TTN: variants seen among roughly 807,000 people sequenced by gnomAD.
TTN encodes the protein titin.
A neutral mutation model predicts 3,223.0 loss-of-function variants in TTN; 1,525 were observed. That is an observed-to-expected ratio of 0.47 (90% CI 0.45 to 0.49). TTN has a LOEUF of 0.49. Ranked by LOEUF, TTN falls within the 20% of genes least tolerant of loss-of-function variation. The probability of loss-of-function intolerance (pLI) is 0.00; values close to 1 mark genes in which losing one functional copy is unlikely to be tolerated. For synonymous variants in TTN, 14,094 were observed against 15,161.0 expected (o/e 0.93, Z 5.17); for missense variants, 40,786 against 43,424.0 (o/e 0.94, Z 5.40).
At chr2:178,749,705 A>T (rs1370513406) in intron 47 of TTN, 1 of 1,612,972 alleles carries the variant, frequency 6.2e-7, no homozygotes, top group Non-Finnish European at 8.5e-7. Context: ...GTTTTCAGCA[A>T]CACATTTATA....
Position 178,546,318 on chromosome 2 carries a change from T to C in TTN, c.95013A>G (p.Ala31671=). ...KVSLQYTGKR[A]TAVIKFCDRS... ...TGTCACAGAACTTGATCACAGCAGT[T>C]GCTCGTTTGCCAGTATACTGCAAAG... The change falls in exon 342 of 363, where the codon GCA becomes GCG. Residue 31671 remains alanine, a synonymous_variant. Coordinates refer to ENST00000589042, the MANE Select transcript of TTN (RefSeq NM_001267550.2). The C allele has an allele frequency of 6.2e-7, 1 of 1,613,892 alleles. No individual in the cohort carries two copies. Among genetic ancestry groups the C allele is most frequent in the Non-Finnish European group, 8.5e-7 (1 of 1,179,780 alleles).
chr2:178,594,317 G>T (rs1268375183), intron 296 of TTN, 27 bp downstream of exon 296: 1 of 1,590,194 alleles, frequency 6.3e-7, no homozygotes, highest in Non-Finnish European at 8.5e-7. Context: ...GCAAGTTTCA[G>T]AAGTATAAAT....
At chr2:178,550,932 C>G (rs1699188690) in intron 336 of TTN, 35 bp downstream of exon 336, 2 of 1,597,148 alleles carry the variant, frequency 1.3e-6, no homozygotes, top group East Asian at 2.2e-5. Flanking sequence ...TGTGAATGCT[C>G]TTAGTCTCAT....
At position 178,590,430 on chromosome 2, in the gene TTN, A is replaced by G; in HGVS notation, c.61295T>C (p.Phe20432Ser). 1.2e-6 allele frequency: 2 copies of G among 1,612,288 alleles called. No individual in the cohort carries two copies. Among genetic ancestry groups the G allele is most frequent in the South Asian group, 2.2e-5 (2 of 90,732 alleles). ...TCCTTCAATTAGTCCAGGTACCCTA[A>G]AGGCACATTGCCTAATGAGTTCATC... Reference protein sequence around the residue: ...NKDELIRQCAFRVPGLIEGNE... With the variant: ...NKDELIRQCASRVPGLIEGNE... Residue 20432 changes from phenylalanine (F) to serine (S), a missense_variant, in exon 304 of 363, where the codon TTT becomes TCT. Physicochemically the swap from Phe to Ser is radical, Grantham distance 155. Transcript: ENST00000589042.
chr2:178,640,011 A>G (rs776331940), intron 222 of TTN, 37 bp downstream of exon 222: 3 of 1,605,060 alleles, frequency 1.9e-6, no homozygotes, highest in South Asian at 2.2e-5. Context: ...GAATACAGAA[A>G]GAATATGCTG....
At chr2:178,766,945 G>A (rs774202468) in intron 40 of TTN, among the ~76,000 whole-genome samples, 2 of 152,060 alleles carry the variant, frequency 1.3e-5, no homozygotes, top group Non-Finnish European at 2.9e-5. Flanking sequence ...GCTTTTTATT[G>A]TCTAAAAAGT....
chr2:178,575,027 C>T lies in TTN; in HGVS notation c.71105G>A (p.Gly23702Glu). ...GTTCCTTGCTGTTAATGGATAGGGC[C>T]CACTATCACTTCTGACACACTCATT... ...NINECVRSDS[G>E]PYPLTARNIV... is the part of the protein sequence containing the mutation. The change falls in exon 326 of 363, where the codon GGG becomes GAG. Residue 23702 changes from glycine to glutamate, a missense_variant. Physicochemically the swap from Gly to Glu is moderately conservative, Grantham distance 98. Transcript: ENST00000589042. This position sits in a 1 kb window ranked among gnomAD's most constrained non-coding sequence, Gnocchi z 4.0. 6.2e-7 allele frequency: 1 copy of T among 1,613,258 alleles called. No individual in the cohort carries two copies. The highest frequency in any genetic ancestry group is 8.5e-7 in the Non-Finnish European group (1 of 1,179,598).
At position 178,639,787 on chromosome 2, in the gene TTN, T is replaced by C. The variant is rs886042511; in HGVS notation, c.40788A>G (p.Glu13596=). The change falls in exon 223 of 363, where the codon GAA becomes GAG. Residue 13596 remains glutamate (E), a splice_region_variant and synonymous_variant. Transcript: ENST00000589042. ...CAGGAGGTGGTTTGATTGTTTTCACTTCTGTAGAGAGAAGTCCATTGCATT... is the reference window on the plus strand; with the variant it reads ...CAGGAGGTGGTTTGATTGTTTTCACCTCTGTAGAGAGAAGTCCATTGCATT... ...APEPKPKPEA[E]VKTIKPPPVE... 2 of 1,584,766 alleles carry C rather than the reference T, an allele frequency of 1.3e-6. No homozygotes were observed. The highest frequency in any genetic ancestry group is 8.6e-7 in the Non-Finnish European group (1 of 1,168,864).
chr2:178,794,869 G>A (rs2093685289), intron 7 of TTN, 53 bp downstream of exon 7: 3 of 1,588,108 alleles, frequency 1.9e-6, no homozygotes, highest in African/African-American at 2.7e-5. Flanking sequence ...CAGAAATCCA[G>A]TTGGAGAAAC....
In TTN at chr2:178,550,941, A is replaced by G. The variant is rs189019646; in HGVS notation, c.91564+26T>C. 2.5e-6 allele frequency: 4 copies of G among 1,605,268 alleles called. No homozygotes were observed. The Admixed American group carries it at 5.1e-5, about 20-fold the overall frequency. ...TAAAAATGTGAATGCTCTTAGTCTCATTGGAAATAAGTTGTAAATGCTTAC... is the reference window on the plus strand; with the variant it reads ...TAAAAATGTGAATGCTCTTAGTCTCGTTGGAAATAAGTTGTAAATGCTTAC... On this transcript the variant is annotated intron_variant, in intron 336 of 362. Coordinates refer to ENST00000589042, the MANE Select transcript of TTN (RefSeq NM_001267550.2).
chr2:178,667,651 G>C lies in TTN; in HGVS notation c.35616C>G (p.Pro11872=). 3 of 1,596,594 alleles carry C rather than the reference G, an allele frequency of 1.9e-6. No homozygotes were observed. Among genetic ancestry groups the C allele is most frequent in the Non-Finnish European group, 2.5e-6 (3 of 1,178,836 alleles). The change falls in exon 160 of 363, where the codon CCC becomes CCG. Residue 11872 remains proline (P), a synonymous_variant. Transcript: ENST00000589042. ...VLVTQPQKTK[P]KLAKVPEPPK... ...GGTGTTATATACCTTTTGCTAGTTT[G>C]GGTTTTGTCTTTTGAGGTTGAGTCA...
intron 29 of TTN, 144 bp downstream of exon 29, chr2:178,774,777 T>C: frequency 1.0e-6 from 1 of 991,020 alleles, no homozygotes; most frequent in South Asian, 1.7e-5. Context: ...ATTACGAACA[T>C]AAATTTATGA....
Position 178,632,961 on chromosome 2 carries a change from G to A in TTN, c.43170C>T (p.Phe14390=), listed in dbSNP as rs776508398. The change falls in exon 234 of 363, where the codon TTC becomes TTT. Residue 14390 remains phenylalanine, a synonymous_variant. Transcript: ENST00000589042. ...CTGCAGATTTGGCATTAGCAGCCTG[G>A]AAGGAAACCTCTCCTGTCATACCCA... is the stretch of plus-strand genomic sequence containing the variant. ...CQLGMTGEVS[F]QAANAKSAAN... is the part of the protein sequence containing the mutation. The A allele has an allele frequency of 9.9e-6, 16 of 1,613,206 alleles. No individual in the cohort carries two copies. The highest frequency in any genetic ancestry group is 5.0e-5 in the Admixed American group (3 of 59,980).
Position 178,564,813 on chromosome 2 carries a change from A to T in TTN, c.81319T>A (p.Tyr27107Asn). ...TTCTTTTCTTTCTGTTCAAGATGGTAGCCAATAATTTTGGTGCCTCCATCA... is the reference window on the plus strand; with the variant it reads ...TTCTTTTCTTTCTGTTCAAGATGGTTGCCAATAATTTTGGTGCCTCCATCA... ...VNDGGTKIIG[Y>N]HLEQKEKNSI... Residue 27107 changes from tyrosine (Y) to asparagine (N), a missense_variant, in exon 326 of 363, where the codon TAC becomes AAC. Transcript: ENST00000589042. 1.2e-6 allele frequency: 2 copies of T among 1,613,016 alleles called. No individual in the cohort carries two copies. Among genetic ancestry groups the T allele is most frequent in the South Asian group, 2.2e-5 (2 of 91,020 alleles).
In TTN at chr2:178,594,557, C is replaced by T; in HGVS notation, c.57937G>A (p.Gly19313Arg). The T allele has an allele frequency of 1.2e-6, 2 of 1,613,284 alleles. No homozygotes were observed. The highest frequency in any genetic ancestry group is 3.3e-4 in the Middle Eastern group (2 of 6,056). The change falls in exon 296 of 363, where the codon GGG becomes AGG. Residue 19313 changes from glycine to arginine, a missense_variant. By Grantham distance (125) the Gly-to-Arg change is moderately radical. Coordinates refer to ENST00000589042, the MANE Select transcript of TTN (RefSeq NM_001267550.2). Reference sequence around the variant, plus strand: ...AGGACATAGTTAATAATTTCTGACCCACCATCATACTTAGGAGGATTCCAA... The same window carrying T: ...AGGACATAGTTAATAATTTCTGACCTACCATCATACTTAGGAGGATTCCAA... ...LTWNPPKYDGGSEIINYVLES... is the reference protein window; with the variant it reads ...LTWNPPKYDGRSEIINYVLES...
rs190192954 is a variant in TTN at position 178,718,484 on chromosome 2, C to T, written c.24622G>A (p.Glu8208Lys). 3.2e-5 allele frequency: 51 copies of T among 1,613,682 alleles called. No individual in the cohort carries two copies. The African/African-American group carries it at 5.2e-4, about 16-fold the overall frequency. The change falls in exon 85 of 363, where the codon GAG (glutamate) becomes AAG (lysine). Residue 8208 changes from glutamate (E) to lysine (K), a missense_variant. Glu to Lys is a moderately conservative substitution (Grantham distance 56). Transcript: ENST00000589042. ...CTCTCAGATTGTGAAATAAGATACT[C>T]GTCCTTTATCCAGCTCACTGAGATT... ...PPISVSWIKDEYLISQSERCS... is the reference protein window; with the variant it reads ...PPISVSWIKDKYLISQSERCS...
At position 178,577,987 on chromosome 2, in the gene TTN, C is replaced by T. The variant is rs766984722; in HGVS notation, c.68527+1G>A. 1 of 1,610,746 alleles carries T rather than the reference C, an allele frequency of 6.2e-7. No individual in the cohort carries two copies. Among genetic ancestry groups the T allele is most frequent in the Non-Finnish European group, 8.5e-7 (1 of 1,178,706 alleles). ...GGGTTTTTCTTCATATAATGACTTA[C>T]CAATTGGGTCCAGTGCCACAACAGG... On this transcript the variant is annotated splice_donor_variant, in intron 322 of 362. Coordinates refer to ENST00000589042, the MANE Select transcript of TTN (RefSeq NM_001267550.2). LOFTEE classifies it high-confidence loss of function.
At chr2:178,755,481 G>A (rs1333742544) in intron 46 of TTN, among the ~76,000 whole-genome samples, 1 of 152,078 alleles carries the variant, frequency 6.6e-6, no homozygotes, top group African/African-American at 2.4e-5. Flanking sequence ...TGTTGCCCAG[G>A]CTGGAGTACA....
rs371607564 is a variant in TTN at position 178,622,805 on chromosome 2, C to T, written c.44816-38G>A. 69 of 1,493,054 alleles carry T rather than the reference C, an allele frequency of 4.6e-5. No homozygotes were observed. In the African/African-American group the frequency reaches 8.2e-4, roughly 18 times the overall value. The allele number at this position is 1,493,054 out of a possible 1,614,324, so 92.5% of individuals were successfully genotyped here. ...GTCATCAGAATTCAAAATGAGGTTTCTGGAAATTTACTCTGACATTACCAT... is the reference window on the plus strand; with the variant it reads ...GTCATCAGAATTCAAAATGAGGTTTTTGGAAATTTACTCTGACATTACCAT... On this transcript the variant is annotated intron_variant, in intron 242 of 362. Coordinates refer to ENST00000589042, the MANE Select transcript of TTN (RefSeq NM_001267550.2).
Sources: allele counts gnomAD v4.1 joint callset (sites outside exome capture counted in the v4.1 genomes callset), GRCh38; gene constraint gnomAD v4.1.1; non-coding constraint Gnocchi (gnomAD v3.1); transcripts MANE v1.5; gene names NCBI Gene and HGNC (gene_info 2026-07-23, HGNC 2026-07-21).